IGFBP7: variants seen among roughly 807,000 people sequenced by gnomAD.
IGFBP7 encodes the protein insulin-like growth factor-binding protein 7.
Under a neutral mutation model 29.4 loss-of-function variants are expected in IGFBP7, and 31 were observed. That is an observed-to-expected ratio of 1.05 (90% CI 0.79 to 1.42). IGFBP7 has a LOEUF of 1.42. IGFBP7 is among the 40% of genes most tolerant of loss of function. The pLI is 0.00. For synonymous variants in IGFBP7, 172 were observed against 174.9 expected, an observed-to-expected ratio of 0.98 and a Z score of 0.13; for missense variants, 393 against 395.5, an observed-to-expected ratio of 0.99 and a Z score of 0.05.
intron 1 of IGFBP7, among the ~76,000 whole-genome samples, chr4:57,091,077 C>T (rs1051954260): frequency 5.3e-5 from 8 of 152,096 alleles, no homozygotes; most frequent in Admixed American, 5.2e-4. Context: ...ACTGCCACTG[C>T]CAACACCTGG....
At chr4:57,070,566 A>G (rs1439291514) in intron 1 of IGFBP7, among the ~76,000 whole-genome samples, 1 of 152,182 alleles carries the variant, frequency 6.6e-6, no homozygotes, top group African/African-American at 2.4e-5. Context: ...TCAGTTGCAA[A>G]TCACTCCTCT....
intron 1 of IGFBP7, among the ~76,000 whole-genome samples, chr4:57,087,711 G>GT (rs1725530798): frequency 6.6e-6 from 1 of 152,214 alleles, no homozygotes; most frequent in Non-Finnish European, 1.5e-5. Context: ...AGGCCTAACA[G>GT]TTACAAAGGC....
chr4:57,058,547 G>T (rs958584764), intron 1 of IGFBP7, among the ~76,000 whole-genome samples: 1 of 152,220 alleles, frequency 6.6e-6, no homozygotes, highest in Non-Finnish European at 1.5e-5. Flanking sequence ...CTAGCAATAT[G>T]CAGAAGATTG....
chr4:57,036,883 T>C (rs182522925), intron 2 of IGFBP7, among the ~76,000 whole-genome samples: 12 of 152,350 alleles, frequency 7.9e-5, no homozygotes, highest in Admixed American at 7.8e-4. Context: ...TACTCTTAAA[T>C]TGGATTTGAA....
chr4:57,040,541 T>TACACACAC (rs1453257409), intron 2 of IGFBP7, among the ~76,000 whole-genome samples: 1 of 152,136 alleles, frequency 6.6e-6, no homozygotes. Flanking sequence ...TGCACACACA[T>TACACACAC]ACACACACCA....
At chr4:57,063,079 C>T (rs1021865335) in intron 1 of IGFBP7, among the ~76,000 whole-genome samples, 1 of 152,170 alleles carries the variant, frequency 6.6e-6, no homozygotes, top group African/African-American at 2.4e-5. Flanking sequence ...GTCTTGCCCT[C>T]CCTAGCCCCT....
At chr4:57,088,153 T>A (rs1422632892) in intron 1 of IGFBP7, among the ~76,000 whole-genome samples, 4 of 151,986 alleles carry the variant, frequency 2.6e-5, no homozygotes, top group African/African-American at 4.8e-5. Context: ...TTTTGTTTTG[T>A]TTTGTGGAGA....
intron 1 of IGFBP7, among the ~76,000 whole-genome samples, chr4:57,090,255 CTTTG>C: frequency 6.6e-6 from 1 of 152,334 alleles, no homozygotes; most frequent in East Asian, 1.9e-4. Flanking sequence ...TTCCTTCACT[CTTTG>C]TTTGCGTAAG....
At chr4:57,072,996 T>C in intron 1 of IGFBP7, 1 of 933,956 alleles carries the variant, frequency 1.1e-6, no homozygotes, top group South Asian at 1.3e-5. Flanking sequence ...CTGCTCTCCA[T>C]CCACAGCCTT....
At chr4:57,072,001 A>C (rs919911674) in intron 1 of IGFBP7, among the ~76,000 whole-genome samples, 4 of 151,864 alleles carry the variant, frequency 2.6e-5, no homozygotes, top group African/African-American at 4.8e-5. Context: ...AATAAAAAAA[A>C]CCTTTTATTT....
At chr4:57,069,197 G>A (rs1412062667) in intron 1 of IGFBP7, among the ~76,000 whole-genome samples, 2 of 152,190 alleles carry the variant, frequency 1.3e-5, no homozygotes, top group African/African-American at 4.8e-5. Flanking sequence ...GACATCTTGA[G>A]TTGTCCAGTA....
chr4:57,099,722 T>C (rs1725846943), intron 1 of IGFBP7, among the ~76,000 whole-genome samples: 1 of 152,144 alleles, frequency 6.6e-6, no homozygotes. Context: ...AACTGAAAGG[T>C]TGGGCTCTAA....
At chr4:57,035,504 G>A (rs1724060909) in intron 2 of IGFBP7, among the ~76,000 whole-genome samples, 1 of 152,118 alleles carries the variant, frequency 6.6e-6, no homozygotes. Flanking sequence ...ACCCAGGGTG[G>A]AGTGCAGTGG....
intron 1 of IGFBP7, among the ~76,000 whole-genome samples, chr4:57,076,891 GTATCTGAGCAA>G (rs767284152): frequency 1.2e-4 from 18 of 152,186 alleles, no homozygotes; most frequent in Admixed American, 2.6e-4. Flanking sequence ...GCAGTCATGT[GTATCTGAGCAA>G]TAGTTGAAAG....
chr4:57,082,174 C>T (rs541113613), intron 1 of IGFBP7, among the ~76,000 whole-genome samples: 4 of 152,144 alleles, frequency 2.6e-5, no homozygotes, highest in African/African-American at 7.2e-5. Context: ...TCTAGGAGGT[C>T]CTTTGGGGTC....
At chr4:57,072,807 C>A (rs1418811100) in intron 1 of IGFBP7, 1 of 558,492 alleles carries the variant, frequency 1.8e-6, no homozygotes, top group Non-Finnish European at 3.5e-6. Context: ...GCAGCTGGCA[C>A]AGCATATGAA....
At chr4:57,049,355 C>T (rs907959312) in intron 1 of IGFBP7, among the ~76,000 whole-genome samples, 2 of 152,078 alleles carry the variant, frequency 1.3e-5, no homozygotes, top group African/African-American at 4.8e-5. Flanking sequence ...TGCTTCGTTG[C>T]TTTCTCATTT....
chr4:57,031,142 AATTTTTGTAGATAGTCTTG>A lies in IGFBP7; in HGVS notation c.*156_*174del. On this transcript the variant is annotated 3_prime_UTR_variant, in exon 5 of 5. Transcript: ENST00000295666. Reference sequence around the variant, plus strand: ...GCTTTTCTTCTGTAAATATATAATAAATTTTTGTAGATAGTCTTGATGTGTGATCTTTATTTTGTATTTC... The same window carrying A: ...GCTTTTCTTCTGTAAATATATAATAAATGTGTGATCTTTATTTTGTATTTC... 1.4e-6 allele frequency: 1 copy of A among 718,726 alleles called. No homozygotes were observed. Among genetic ancestry groups the A allele is most frequent in the Non-Finnish European group, 2.4e-6 (1 of 420,380 alleles). 44.5% of individuals were successfully genotyped at this position (718,726 alleles called of 1,614,324 possible).
At chr4:57,068,728 G>A (rs1340176390) in intron 1 of IGFBP7, among the ~76,000 whole-genome samples, 2 of 152,152 alleles carry the variant, frequency 1.3e-5, no homozygotes, top group African/African-American at 4.8e-5. Context: ...ACCAAGAATG[G>A]GATTAGTTGA....
Sources: gnomAD v4.1 joint callset for allele counts (sites outside exome capture counted in the v4.1 genomes callset) on GRCh38, gnomAD v4.1.1 for gene constraint, MANE v1.5 for transcripts, NCBI Gene and HGNC (gene_info 2026-07-23, HGNC 2026-07-21) for gene names.